Variants in FAF1 observed in about 807,000 individuals in gnomAD.
FAF1 encodes Fas associated factor 1.
Under a neutral mutation model 92.5 loss-of-function variants are expected in FAF1, and 25 were observed. The observed-to-expected ratio is 0.27, with a 90% CI of 0.20 to 0.38. FAF1 has a LOEUF of 0.38. FAF1 is among the 10% of genes least tolerant of loss of function. The pLI is 1.00. For synonymous variants in FAF1, 234 were observed against 273.2 expected, an observed-to-expected ratio of 0.86 and a Z score of 1.42; for missense variants, 636 against 793.3, an observed-to-expected ratio of 0.80 and a Z score of 2.38.
At chr1:50,758,172 C>A (rs1345940752) in intron 4 of FAF1, among the ~76,000 whole-genome samples, 1 of 152,188 alleles carries the variant, frequency 6.6e-6, no homozygotes, top group Non-Finnish European at 1.5e-5. Context: ...CCCACCTTGG[C>A]CTCCCAAAGT....
chr1:50,622,525 C>T (rs759721675), intron 8 of FAF1, among the ~76,000 whole-genome samples: 13 of 152,214 alleles, frequency 8.5e-5, no homozygotes, highest in Non-Finnish European at 1.3e-4. Context: ...ATCTCATCCA[C>T]TCTCTTGAGA....
intron 15 of FAF1, among the ~76,000 whole-genome samples, chr1:50,498,318 CAT>C: frequency 6.6e-6 from 1 of 151,922 alleles, no homozygotes; most frequent in South Asian, 2.1e-4. Flanking sequence ...TAGATAAAAA[CAT>C]AGGTGAAAAT....
At chr1:50,825,188 A>C (rs1644084722) in intron 2 of FAF1, among the ~76,000 whole-genome samples, 1 of 152,142 alleles carries the variant, frequency 6.6e-6, no homozygotes, top group Admixed American at 6.5e-5. Context: ...CACACTGTAC[A>C]CACGTATCAA....
chr1:50,838,504 TTATA>T (rs1003011001), intron 2 of FAF1, among the ~76,000 whole-genome samples: 18 of 148,260 alleles, frequency 1.2e-4, no homozygotes, highest in Non-Finnish European at 1.5e-5. Context: ...CTATGTTTTG[TTATA>T]TATATAATTT....
chr1:50,705,994 G>C (rs1251499502), intron 6 of FAF1, 103 bp from the exon 7 acceptor site: 24 of 613,050 alleles, frequency 3.9e-5, no homozygotes, highest in Non-Finnish European at 2.9e-6. Context: ...CCTCCACACA[G>C]GCATGTCTGG....
intron 9 of FAF1, among the ~76,000 whole-genome samples, chr1:50,591,967 A>G (rs961713536): frequency 1.3e-5 from 2 of 151,890 alleles, no homozygotes; most frequent in Admixed American, 6.6e-5. Context: ...TATTTCCTTT[A>G]TTTAAAAAAT....
rs1661431787 is a variant in FAF1, at chr1:50,788,176, G to T, written c.191C>A (p.Pro64His). The change falls in exon 4 of 19, where the codon CCT becomes CAT. Residue 64 changes from proline to histidine, a missense_variant. Pro to His is a moderately conservative substitution (Grantham distance 77). Transcript: ENST00000396153. ...TGGATGACTTGCTGGATTAAATGCA[G>T]GTCCTGGTATGGTCTCACCTCCATA... ...SEYGGETIPG[P>H]AFNPASHPAS... 3 of 1,613,912 alleles carry T rather than the reference G, an allele frequency of 1.9e-6. No individual in the cohort carries two copies. The highest frequency in any genetic ancestry group is 2.2e-5 in the East Asian group (1 of 44,876).
intron 7 of FAF1, among the ~76,000 whole-genome samples, chr1:50,662,583 T>G (rs576443193): frequency 1.7e-4 from 25 of 151,084 alleles, no homozygotes; most frequent in Non-Finnish European, 3.2e-4. Context: ...TTTCCTATAC[T>G]AAAAGTCTGA....
intron 1 of FAF1, among the ~76,000 whole-genome samples, chr1:50,903,758 A>T (rs371010849): frequency 6.6e-6 from 1 of 152,326 alleles, no homozygotes. Flanking sequence ...TTAGCAAAGA[A>T]CTGAATTATC....
At chr1:50,634,975 C>G (rs1436696659) in intron 8 of FAF1, among the ~76,000 whole-genome samples, 1 of 152,058 alleles carries the variant, frequency 6.6e-6, no homozygotes, top group Non-Finnish European at 1.5e-5. Context: ...AAAAATTAGT[C>G]ACTTATAATC....
intron 18 of FAF1, among the ~76,000 whole-genome samples, chr1:50,456,101 G>C (rs1464993149): frequency 6.6e-6 from 1 of 151,412 alleles, no homozygotes; most frequent in African/African-American, 2.4e-5. Context: ...TTTTTTTTTA[G>C]AGATGAGATT....
In FAF1 at chr1:50,635,357, T is replaced by C. The variant is rs1310653309; in HGVS notation, c.744+20085A>G. On this transcript the variant is annotated intron_variant, in intron 8 of 18. Coordinates refer to ENST00000396153, the MANE Select transcript of FAF1 (RefSeq NM_007051.3). Reference sequence around the variant, plus strand: ...CAGCCTAATTTCTCTACTTTCCCTCTACAACTTGAAATGCAAAGAATCTAA... The same window carrying C: ...CAGCCTAATTTCTCTACTTTCCCTCCACAACTTGAAATGCAAAGAATCTAA... Among the ~76,000 whole-genome samples the C allele has an allele frequency of 2.0e-5, 3 of 152,212 alleles. No individual in the cohort carries two copies. In the East Asian group the frequency reaches 5.8e-4, roughly 29 times the overall value.
intron 4 of FAF1, among the ~76,000 whole-genome samples, chr1:50,757,869 C>T (rs1660141939): frequency 6.6e-6 from 1 of 151,968 alleles, no homozygotes; most frequent in South Asian, 2.1e-4. Context: ...CAACACTGAG[C>T]TTAATGACCA....
At chr1:50,511,946 G>A (rs1339746554) in intron 15 of FAF1, among the ~76,000 whole-genome samples, 2 of 152,286 alleles carry the variant, frequency 1.3e-5, no homozygotes, top group Non-Finnish European at 2.9e-5. Context: ...TCTAACTGGC[G>A]TGAGATGGTA....
Position 50,567,180 on chromosome 1 carries a change from C to A in FAF1, c.1165G>T (p.Val389Leu). ...LHHDESVLTN[V>L]FCSQMLCAES... ...GCACAAAGCATTTGTGAGCAGAACA[C>A]GTTGGTTAACACACTTTCATCATGG... Residue 389 changes from valine (V) to leucine (L), a missense_variant, in exon 13 of 19, where the codon GTG (valine) becomes TTG (leucine). Transcript: ENST00000396153. The A allele has an allele frequency of 6.2e-7, 1 of 1,610,124 alleles. No individual in the cohort carries two copies. The highest frequency in any genetic ancestry group is 8.5e-7 in the Non-Finnish European group (1 of 1,177,424).
intron 18 of FAF1, among the ~76,000 whole-genome samples, chr1:50,458,648 C>T (rs1305521659): frequency 6.6e-6 from 1 of 152,208 alleles, no homozygotes; most frequent in Admixed American, 6.5e-5. Flanking sequence ...CAGACGCATA[C>T]AATGATGGGT....
intron 2 of FAF1, among the ~76,000 whole-genome samples, chr1:50,836,165 T>C (rs143462519): frequency 7.5e-6 from 1 of 133,024 alleles, no homozygotes; most frequent in African/African-American, 3.0e-5. Flanking sequence ...TTGTTTTTTG[T>C]TTCTGTTTTT....
chr1:50,647,636 G>C (rs1284761036), intron 8 of FAF1, among the ~76,000 whole-genome samples: 2 of 152,156 alleles, frequency 1.3e-5, no homozygotes, highest in East Asian at 3.9e-4. Context: ...AGTCAACCAT[G>C]TTAAGGCATT....
At chr1:50,525,780 T>C (rs56202902) in intron 15 of FAF1, among the ~76,000 whole-genome samples, 1,783 of 152,142 alleles carry the variant, frequency 0.012, 16 homozygotes, top group Non-Finnish European at 0.017. Flanking sequence ...TTTTGGCCAA[T>C]TTTTTTTCTG....
Sources: allele counts gnomAD v4.1 joint callset (sites outside exome capture counted in the v4.1 genomes callset), GRCh38; gene constraint gnomAD v4.1.1; transcripts MANE v1.5; gene names NCBI Gene and HGNC (gene_info 2026-07-23, HGNC 2026-07-21).